The following IFT140 variants were observed in gnomAD, a reference collection of about 807,000 sequenced individuals.
IFT140 encodes intraflagellar transport 140, also known as intraflagellar transport protein 140 homolog.
A neutral mutation model predicts 164.6 loss-of-function variants in IFT140; 133 were observed. That is an observed-to-expected ratio of 0.81 (90% confidence interval 0.70 to 0.93). The LOEUF is 0.93. Among genes scored for constraint, IFT140 ranks in the 40% least tolerant of loss-of-function variants. The probability of loss-of-function intolerance (pLI) is 0.00; values close to 1 mark genes in which losing one functional copy is unlikely to be tolerated. For missense variants in IFT140, 2,045 were observed against 1,972.3 expected (o/e 1.04, Z -0.70); for synonymous variants, 860 against 817.3 (o/e 1.05, Z -0.89).
At position 1,525,896 on chromosome 16, in the gene IFT140, G is replaced by A; in HGVS notation, c.2759C>T (p.Ala920Val). 6.5e-7 allele frequency: 1 copy of A among 1,545,564 alleles called. No individual in the cohort carries two copies. Residue 920 changes from alanine (A) to valine (V), a missense_variant, in exon 21 of 31, where the codon GCC (alanine) becomes GTC (valine). Physicochemically the swap from Ala to Val is moderately conservative, Grantham distance 64. Coordinates refer to ENST00000426508, the MANE Select transcript of IFT140 (RefSeq NM_014714.4). Reference sequence around the variant, plus strand: ...CGAGGGCCGCACTCACTAACTGAGGGCCCGGCTGCAGTCGGCGCTGGCCTC... The same window carrying A: ...CGAGGGCCGCACTCACTAACTGAGGACCCGGCTGCAGTCGGCGCTGGCCTC... ...HLEASADCSR[A>V]LSYYEKSDTH...
At chr16:1,554,974 C>T (rs1022265569) in intron 19 of IFT140, 2 of 1,613,918 alleles carry the variant, frequency 1.2e-6, no homozygotes, top group Non-Finnish European at 1.7e-6. Context: ...CGCTCCCTGA[C>T]AGCGCGCTTT....
intron 19 of IFT140, chr16:1,541,166 G>C (rs537497349): frequency 4.1e-6 from 4 of 985,444 alleles, no homozygotes; most frequent in Admixed American, 1.2e-4. Context: ...ACCAGGTGTA[G>C]GTGGGGGACA....
intron 16 of IFT140, 131 bp downstream of exon 16, chr16:1,566,028 CCT>C (rs1207808006): frequency 1.1e-5 from 8 of 761,428 alleles, no homozygotes; most frequent in African/African-American, 8.7e-5. Context: ...CTTCTGTTTT[CCT>C]CTTTCTTTTT....
At chr16:1,592,645 AG>A in intron 4 of IFT140, 57 bp from the exon 5 acceptor site, 1 of 1,569,236 alleles carries the variant, frequency 6.4e-7, no homozygotes, top group Non-Finnish European at 8.7e-7. Flanking sequence ...CGACTGGTGG[AG>A]GGACAGGTGT....
At chr16:1,587,347 T>C in intron 8 of IFT140, 43 bp from the exon 9 acceptor site, 2 of 1,294,214 alleles carry the variant, frequency 1.5e-6, no homozygotes, top group South Asian at 1.2e-5. Context: ...CCTGTGTTAG[T>C]GGCGTTTCCC....
Position 1,588,042 on chromosome 16 carries a change from C to G in IFT140, c.811-18G>C, listed in dbSNP as rs371769718. 6.2e-7 allele frequency: 1 copy of G among 1,610,440 alleles called. No homozygotes were observed. Among genetic ancestry groups the G allele is most frequent in the Non-Finnish European group, 8.5e-7 (1 of 1,177,868 alleles). ...AGCTTGACCTGTGTGAGGAAACAAC[C>G]GAGCAGAGGCACCGTGCTTGCTGAG... On this transcript the variant is annotated intron_variant, in intron 7 of 30. Coordinates refer to ENST00000426508, the MANE Select transcript of IFT140 (RefSeq NM_014714.4).
intron 14 of IFT140, among the ~76,000 whole-genome samples, chr16:1,569,156 C>T (rs1269583098): frequency 1.3e-5 from 2 of 152,064 alleles, no homozygotes; most frequent in African/African-American, 2.4e-5. Flanking sequence ...AGGCGCCCGC[C>T]ACCGCGCCCG....
chr16:1,570,270 T>A (rs1489250832), intron 14 of IFT140, among the ~76,000 whole-genome samples: 1 of 151,840 alleles, frequency 6.6e-6, no homozygotes, highest in Non-Finnish European at 1.5e-5. Flanking sequence ...GCTGACAGAG[T>A]GAGGAAATAT....
chr16:1,584,534 T>C lies in IFT140; in HGVS notation c.1156-114A>G, dbSNP rs549828770. 3.0e-5 allele frequency: 24 copies of C among 796,090 alleles called. No homozygotes were observed. The East Asian group carries it at 5.1e-4, about 17-fold the overall frequency. The allele number at this position is 796,090 out of a possible 1,614,324, so 49.3% of individuals were successfully genotyped here. A position where few individuals can be genotyped will look rare whatever the true frequency, so the allele number is the denominator to read the frequency against. On this transcript the variant is annotated intron_variant, in intron 10 of 30. Transcript: ENST00000426508. ...ACTCAGAAACCATTTCCAAGTACCA[T>C]TGTTCCGGACTTAAAAAATGATCTT...
intron 19 of IFT140, among the ~76,000 whole-genome samples, chr16:1,550,583 C>A (rs1596347362): frequency 6.6e-6 from 1 of 152,222 alleles, no homozygotes; most frequent in Non-Finnish European, 1.5e-5. Context: ...GCTGGGGTGG[C>A]TCCACACTGC....
At position 1,564,171 on chromosome 16, in the gene IFT140, C is replaced by T. The variant is rs747911693; in HGVS notation, c.1902-9G>A. ...CCACAAAGAGGTGGCTCCTAAAAGA[C>T]AAAGGAAGACCCGTTTCAACCCCAG... On this transcript the variant is annotated splice_polypyrimidine_tract_variant and intron_variant, in intron 16 of 30. Transcript: ENST00000426508. The surrounding 1 kb of genome is among the most constrained non-coding windows in gnomAD (Gnocchi z 5.5). The T allele has an allele frequency of 1.9e-6, 3 of 1,559,112 alleles. No individual in the cohort carries two copies. In the South Asian group the frequency reaches 3.5e-5, roughly 18 times the overall value.
At chr16:1,554,346 A>G (rs561489666) in intron 19 of IFT140, among the ~76,000 whole-genome samples, 1 of 152,378 alleles carries the variant, frequency 6.6e-6, no homozygotes, top group African/African-American at 2.4e-5. Flanking sequence ...GCATTTACAA[A>G]AGTCAGAGAT....
intron 30 of IFT140, among the ~76,000 whole-genome samples, chr16:1,512,348 G>C (rs551891712): frequency 6.6e-6 from 1 of 152,202 alleles, no homozygotes; most frequent in Non-Finnish European, 1.5e-5. Context: ...TGGCGGGAAA[G>C]CTGAGCGGAT....
intron 6 of IFT140, among the ~76,000 whole-genome samples, chr16:1,590,200 CAAAAA>C (rs559750583): frequency 2.6e-5 from 2 of 78,276 alleles, no homozygotes; most frequent in Non-Finnish European, 2.7e-5. Context: ...GACTCTGTCT[CAAAAA>C]AAAAAAAAAA....
chr16:1,520,097 G>A (rs201315274), intron 28 of IFT140, 34 bp downstream of exon 28: 200 of 1,610,522 alleles, frequency 1.2e-4, no homozygotes, highest in Non-Finnish European at 1.5e-4. Flanking sequence ...AGCCCTCCCC[G>A]GGGCCCCGCT....
At chr16:1,608,921 C>T (rs765461068) in intron 2 of IFT140, among the ~76,000 whole-genome samples, 85 of 151,976 alleles carry the variant, frequency 5.6e-4, no homozygotes, top group African/African-American at 1.8e-3. Flanking sequence ...TTTGGGAGGC[C>T]GAGGCGGGTG....
chr16:1,561,453 G>A (rs1016199904), intron 18 of IFT140, among the ~76,000 whole-genome samples: 12 of 152,180 alleles, frequency 7.9e-5, no homozygotes, highest in Non-Finnish European at 1.5e-4. Flanking sequence ...ACACACGGAC[G>A]GGTGTCCAGA....
rs989086620 is a variant in IFT140 at position 1,531,333 on chromosome 16, C to G, written c.2400-4537G>C. The G allele has an allele frequency of 2.6e-5, 4 of 152,230 alleles. No homozygotes were observed. The highest frequency in any genetic ancestry group is 2.6e-4 in the Admixed American group (4 of 15,292). 9.4% of individuals were successfully genotyped at this position (152,230 alleles called of 1,614,324 possible). ...AGCCTTCAAAGGTCCTGCAGAAGCT[C>G]TGCCGAGACCACTCTGTGTCAGGAT... On this transcript the variant is annotated intron_variant, in intron 19 of 30. Coordinates refer to ENST00000426508, the MANE Select transcript of IFT140 (RefSeq NM_014714.4). This position sits in a 1 kb window ranked among gnomAD's most constrained non-coding sequence, Gnocchi z 4.7.
chr16:1,587,066 AT>A, intron 9 of IFT140, 131 bp downstream of exon 9: 1 of 674,186 alleles, frequency 1.5e-6, no homozygotes, highest in Non-Finnish European at 2.6e-6. Context: ...TTGCCCGACT[AT>A]TTGAATGGCT....
Sources: allele counts gnomAD v4.1 joint callset (sites outside exome capture counted in the v4.1 genomes callset), GRCh38; gene constraint gnomAD v4.1.1; non-coding constraint Gnocchi (gnomAD v3.1); transcripts MANE v1.5; gene names NCBI Gene and HGNC (gene_info 2026-07-23, HGNC 2026-07-21).